Variants in DGKI observed in about 807,000 individuals in gnomAD.
The protein encoded by DGKI is diacylglycerol kinase iota.
Under a neutral mutation model 147.5 loss-of-function variants are expected in DGKI, and 55 were observed. The ratio of observed to expected loss-of-function variants is 0.37; its 90% CI spans 0.30 to 0.47. DGKI has a LOEUF of 0.47. Among genes scored for constraint, DGKI ranks in the 20% least tolerant of loss-of-function variants. DGKI has a pLI of 1.00. For synonymous variants in DGKI, 469 were observed against 477.1 expected (o/e 0.98, Z 0.22); for missense variants, 1,007 against 1,323.8 (o/e 0.76, Z 3.71).
intron 12 of DGKI, among the ~76,000 whole-genome samples, chr7:137,588,834 T>C (rs1819509256): frequency 1.3e-5 from 2 of 152,180 alleles, no homozygotes; most frequent in Admixed American, 1.3e-4. Flanking sequence ...AATTATTGTA[T>C]TAAACTTTAA....
At chr7:137,531,827 T>C (rs1230423207) in intron 20 of DGKI, among the ~76,000 whole-genome samples, 2 of 152,210 alleles carry the variant, frequency 1.3e-5, no homozygotes, top group African/African-American at 2.4e-5. Flanking sequence ...AAGAAAACAC[T>C]TGTGGTCTTT....
intron 27 of DGKI, among the ~76,000 whole-genome samples, chr7:137,462,232 C>T (rs1284789775): frequency 6.6e-6 from 1 of 152,156 alleles, no homozygotes; most frequent in African/African-American, 2.4e-5. Context: ...AGTCTGCCAA[C>T]AGATAAATGG....
At chr7:137,675,662 G>A (rs1295967903) in intron 3 of DGKI, among the ~76,000 whole-genome samples, 1 of 140,346 alleles carries the variant, frequency 7.1e-6, no homozygotes, top group African/African-American at 2.8e-5. Context: ...TCCAGCCTGG[G>A]CAGCCGAGCA....
At position 137,386,807 on chromosome 7, in the gene DGKI, G is replaced by A. The variant is rs919450871; in HGVS notation, c.*4413C>T. On this transcript the variant is annotated 3_prime_UTR_variant, in exon 33 of 33. Coordinates refer to ENST00000614521, the MANE Select transcript of DGKI (RefSeq NM_001321708.2). ...GTGAAAGGAGTTGAGAGATTCAAAGGTGGTTCAATTAAGATGCAGGCAGAA... is the reference window on the plus strand; with the variant it reads ...GTGAAAGGAGTTGAGAGATTCAAAGATGGTTCAATTAAGATGCAGGCAGAA... 2 of 152,106 alleles carry A rather than the reference G, an allele frequency of 1.3e-5. No homozygotes were observed. The highest frequency in any genetic ancestry group is 2.4e-5 in the African/African-American group (1 of 41,430). The allele number at this position is 152,106 out of a possible 1,614,324, so 9.4% of individuals were successfully genotyped here. A position where few individuals can be genotyped will look rare whatever the true frequency, so the allele number is the denominator to read the frequency against.
chr7:137,832,322 T>C (rs1165155584), intron 1 of DGKI, among the ~76,000 whole-genome samples: 2 of 152,246 alleles, frequency 1.3e-5, no homozygotes, highest in African/African-American at 2.4e-5. Flanking sequence ...CCTGCCCCTG[T>C]AGTGAACTTC....
intron 2 of DGKI, among the ~76,000 whole-genome samples, chr7:137,679,676 T>A: frequency 6.6e-6 from 1 of 152,078 alleles, no homozygotes; most frequent in Non-Finnish European, 1.5e-5. Context: ...TACTATGGAC[T>A]AAACTGTGTC....
At chr7:137,660,407 A>G (rs778209296) in intron 3 of DGKI, among the ~76,000 whole-genome samples, 4 of 152,230 alleles carry the variant, frequency 2.6e-5, no homozygotes, top group Non-Finnish European at 5.9e-5. Context: ...TACAGTGGTT[A>G]TAAGAGAAAA....
chr7:137,684,585 G>C (rs1484132812), intron 2 of DGKI, among the ~76,000 whole-genome samples: 1 of 152,076 alleles, frequency 6.6e-6, no homozygotes, highest in Non-Finnish European at 1.5e-5. Context: ...CGGCAGCCAG[G>C]GTGATTTGAT....
chr7:137,843,293 T>C (rs1798600714), intron 1 of DGKI: 1 of 372,710 alleles, frequency 2.7e-6, no homozygotes, highest in Non-Finnish European at 3.7e-6. Flanking sequence ...AAAAAAACAG[T>C]TCCTACACAG....
chr7:137,734,157 G>A (rs1330077981), intron 1 of DGKI, among the ~76,000 whole-genome samples: 1 of 152,166 alleles, frequency 6.6e-6, no homozygotes, highest in East Asian at 1.9e-4. Flanking sequence ...GCTGGACTTT[G>A]GGACTCCCTT....
At chr7:137,728,080 G>T (rs1406062147) in intron 1 of DGKI, among the ~76,000 whole-genome samples, 1 of 152,148 alleles carries the variant, frequency 6.6e-6, no homozygotes, top group Non-Finnish European at 1.5e-5. Flanking sequence ...GTGAAAAATG[G>T]CAAAAGTTAT....
At chr7:137,736,072 G>A (rs772471228) in intron 1 of DGKI, among the ~76,000 whole-genome samples, 1 of 151,946 alleles carries the variant, frequency 6.6e-6, no homozygotes, top group South Asian at 2.1e-4. Context: ...ACTCAACATT[G>A]GTAAACACAG....
intron 20 of DGKI, among the ~76,000 whole-genome samples, chr7:137,532,991 T>C (rs1364398656): frequency 1.3e-5 from 2 of 152,142 alleles, no homozygotes; most frequent in African/African-American, 4.8e-5. Flanking sequence ...CCCTAGAATA[T>C]ACTTTAATGG....
chr7:137,597,677 T>A (rs932189303), intron 12 of DGKI, among the ~76,000 whole-genome samples, 170 bp downstream of exon 12: 2 of 152,154 alleles, frequency 1.3e-5, no homozygotes, highest in Non-Finnish European at 2.9e-5. Flanking sequence ...TATGTATTCA[T>A]AAGGACAATA....
intron 28 of DGKI, among the ~76,000 whole-genome samples, chr7:137,421,491 AC>A (rs1249550507): frequency 2.6e-4 from 39 of 152,306 alleles, no homozygotes; most frequent in African/African-American, 9.1e-4. Context: ...GAAAAAACAA[AC>A]AGCCTCCGTC....
intron 1 of DGKI, among the ~76,000 whole-genome samples, chr7:137,757,193 A>C (rs1455199735): frequency 6.6e-6 from 1 of 152,024 alleles, no homozygotes; most frequent in Non-Finnish European, 1.5e-5. Context: ...AACCTGGGTC[A>C]TCGGGCTTCC....
rs1304654328 is a variant in DGKI, at chr7:137,477,818, G to A, written c.2373+7556C>T. ...ACTACAGGCACATGCTACAGCGCCC[G>A]GCTAATTTTGGGGTTGTTTTTTTGT... On this transcript the variant is annotated intron_variant, in intron 23 of 32. Coordinates refer to ENST00000614521, the MANE Select transcript of DGKI (RefSeq NM_001321708.2). Among the ~76,000 whole-genome samples the A allele has an allele frequency of 5.3e-5, 8 of 151,956 alleles. No individual in the cohort carries two copies. The East Asian group carries it at 5.8e-4, about 11-fold the overall frequency.
chr7:137,676,762 G>C (rs570723113), intron 3 of DGKI, among the ~76,000 whole-genome samples: 1 of 152,260 alleles, frequency 6.6e-6, no homozygotes, highest in Admixed American at 6.5e-5. Context: ...TGGCCTAAAG[G>C]TATTAGTGAA....
chr7:137,803,620 T>C (rs1797278773), intron 1 of DGKI, among the ~76,000 whole-genome samples: 1 of 152,256 alleles, frequency 6.6e-6, no homozygotes, highest in African/African-American at 2.4e-5. Context: ...ACATTTCATG[T>C]CATTTTGAAG....
Sources: allele counts gnomAD v4.1 joint callset (sites outside exome capture counted in the v4.1 genomes callset), GRCh38; gene constraint gnomAD v4.1.1; transcripts MANE v1.5; gene names NCBI Gene and HGNC (gene_info 2026-07-23, HGNC 2026-07-21).